The following THOC6 variants were observed in gnomAD, a reference collection of about 807,000 sequenced individuals.
THOC6 encodes THO complex subunit 6.
Under a neutral mutation model 55.8 loss-of-function variants are expected in THOC6, and 39 were observed. The observed-to-expected ratio is 0.70, with a 90% CI of 0.54 to 0.91. THOC6 has a LOEUF of 0.91. Ranked by LOEUF, THOC6 falls within the 40% of genes least tolerant of loss-of-function variation. The pLI, the probability that THOC6 is intolerant of heterozygous loss-of-function variation, is 0.00. For synonymous variants in THOC6, 192 were observed against 175.6 expected (o/e 1.09, Z -0.74); for missense variants, 482 against 442.0 (o/e 1.09, Z -0.81).
Position 3,026,161 on chromosome 16 carries a change from A to C in THOC6, c.319A>C (p.Lys107Gln), listed in dbSNP as rs746764912. Reference protein sequence around the residue: ...VKAWLWAEMLKKGCKELWRRQ... With the variant: ...VKAWLWAEMLQKGCKELWRRQ... ...GGCCTGGCTTTGGGCGGAGATGCTCAAGAAGGTAAGGAGTCGAGCTTGGGA... is the reference window on the plus strand; with the variant it reads ...GGCCTGGCTTTGGGCGGAGATGCTCCAGAAGGTAAGGAGTCGAGCTTGGGA... Residue 107 changes from lysine to glutamine, a missense_variant, in exon 4 of 13, where the codon AAG (lysine) becomes CAG (glutamine). Physicochemically the swap from Lys to Gln is moderately conservative, Grantham distance 53. Transcript: ENST00000326266. 1.2e-6 allele frequency: 2 copies of C among 1,609,796 alleles called. No homozygotes were observed. The highest frequency in any genetic ancestry group is 1.7e-6 in the Non-Finnish European group (2 of 1,177,006).
At position 3,026,175 on chromosome 16, in the gene THOC6, T is replaced by A. The variant is rs1406432157; in HGVS notation, c.324+9T>A. On this transcript the variant is annotated intron_variant, in intron 4 of 12. Coordinates refer to ENST00000326266, the MANE Select transcript of THOC6 (RefSeq NM_024339.5). ...CGGAGATGCTCAAGAAGGTAAGGAG[T>A]CGAGCTTGGGAAAGGGCTGGGGTGC... 5 of 1,610,444 alleles carry A rather than the reference T, an allele frequency of 3.1e-6. No homozygotes were observed. The highest frequency in any genetic ancestry group is 4.2e-6 in the Non-Finnish European group (5 of 1,177,654).
chr16:3,027,624 C>T lies in THOC6; in HGVS notation c.993C>T (p.Asn331=), dbSNP rs770918614. The T allele has an allele frequency of 9.3e-6, 15 of 1,614,076 alleles. No homozygotes were observed. In the East Asian group the frequency reaches 2.9e-4, roughly 31 times the overall value. ...GCTGCCGGGTGGATGTCTTCACCAA[C>T]CTGGGTTACCGAGCCTTCTCCCTGT... ...GNSCRVDVFT[N]LGYRAFSLSF The change falls in exon 13 of 13, where the codon AAC becomes AAT. Residue 331 remains asparagine, a synonymous_variant. Transcript: ENST00000326266.
rs2072726797 is a variant in THOC6 at position 3,024,380 on chromosome 16, G to T, written c.39+15G>T. 6.2e-7 allele frequency: 1 copy of T among 1,614,150 alleles called. No homozygotes were observed. Among genetic ancestry groups the T allele is most frequent in the Non-Finnish European group, 8.5e-7 (1 of 1,180,004 alleles). ...CTCTGGGTCAGGTGAGACGGACGTG[G>T]TGCGCGTTGCCTTCTGGGGTTTGTA... On this transcript the variant is annotated intron_variant, in intron 1 of 12. Coordinates refer to ENST00000326266, the MANE Select transcript of THOC6 (RefSeq NM_024339.5).
rs960258274 is a variant in THOC6 at position 3,026,098 on chromosome 16, G to A, written c.256G>A (p.Asp86Asn). The change falls in exon 4 of 13, where the codon GAT becomes AAT. Residue 86 changes from aspartate (D) to asparagine (N), a missense_variant. Physicochemically the swap from Asp to Asn is conservative, Grantham distance 23. Coordinates refer to ENST00000326266, the MANE Select transcript of THOC6 (RefSeq NM_024339.5). ...GCCCGTCTATAGCATGGTTTCCACCGATCGACATCTGCTTAGTGCTGGGGA... is the reference window on the plus strand; with the variant it reads ...GCCCGTCTATAGCATGGTTTCCACCAATCGACATCTGCTTAGTGCTGGGGA... ...DGPVYSMVST[D>N]RHLLSAGDGE... is the part of the protein sequence containing the mutation. The A allele has an allele frequency of 5.6e-6, 9 of 1,609,192 alleles. No individual in the cohort carries two copies. The Admixed American group carries it at 8.4e-5, about 15-fold the overall frequency.
rs902406454 is a variant in THOC6, at chr16:3,024,223, G to C, written c.-104G>C. 8 of 1,466,284 alleles carry C rather than the reference G, an allele frequency of 5.5e-6. No homozygotes were observed. Among genetic ancestry groups the C allele is most frequent in the Non-Finnish European group, 7.6e-6 (8 of 1,057,538 alleles). 90.8% of individuals were successfully genotyped at this position (1,466,284 alleles called of 1,614,324 possible). A position where few individuals can be genotyped will look rare whatever the true frequency, so the allele number is the denominator to read the frequency against. ...GGGACGGTACGCACCAGCCACCTTCGCGCCGAAGGCGGTAGGGCGCCACGG... is the reference window on the plus strand; with the variant it reads ...GGGACGGTACGCACCAGCCACCTTCCCGCCGAAGGCGGTAGGGCGCCACGG... On this transcript the variant is annotated 5_prime_UTR_variant, in exon 1 of 13. Coordinates refer to ENST00000326266, the MANE Select transcript of THOC6 (RefSeq NM_024339.5).
In THOC6 at chr16:3,024,347, C is replaced by T; in HGVS notation, c.21C>T (p.Leu7=). 1.2e-6 allele frequency: 2 copies of T among 1,614,126 alleles called. No homozygotes were observed. Among genetic ancestry groups the T allele is most frequent in the East Asian group, 2.2e-5 (1 of 44,866 alleles). MERAVP[L]AVPLGQTEVF... is the part of the protein sequence containing the mutation. ...TGGAGATGGAGCGAGCTGTGCCGCTCGCGGTGCCTCTGGGTCAGGTGAGAC... is the reference window on the plus strand; with the variant it reads ...TGGAGATGGAGCGAGCTGTGCCGCTTGCGGTGCCTCTGGGTCAGGTGAGAC... Residue 7 remains leucine (L), a synonymous_variant, in exon 1 of 13, where the codon CTC becomes CTT. Transcript: ENST00000326266.
chr16:3,024,242 G>A lies in THOC6; in HGVS notation c.-85G>A. ...ACCTTCGCGCCGAAGGCGGTAGGGC[G>A]CCACGGAGAGGAACCGCTCTAGGCA... On this transcript the variant is annotated 5_prime_UTR_variant, in exon 1 of 13. Coordinates refer to ENST00000326266, the MANE Select transcript of THOC6 (RefSeq NM_024339.5). The A allele has an allele frequency of 6.4e-7, 1 of 1,565,706 alleles. No homozygotes were observed. Among genetic ancestry groups the A allele is most frequent in the African/African-American group, 1.4e-5 (1 of 74,014 alleles).
chr16:3,024,414 A>C, intron 1 of THOC6, 49 bp downstream of exon 1: 1 of 1,611,344 alleles, frequency 6.2e-7, no homozygotes, highest in South Asian at 1.1e-5. Flanking sequence ...TAGTTCACGC[A>C]TGGCTGGGAC....
At chr16:3,026,826 C>A (rs566107628) in intron 8 of THOC6, 41 bp from the exon 9 acceptor site, 1 of 1,614,140 alleles carries the variant, frequency 6.2e-7, no homozygotes, top group South Asian at 1.1e-5. Context: ...GTGAAGGAGG[C>A]TGAGGCAAGT....
In THOC6 at chr16:3,026,932, T is replaced by C; in HGVS notation, c.636+16T>C. 6.2e-7 allele frequency: 1 copy of C among 1,614,208 alleles called. No individual in the cohort carries two copies. Among genetic ancestry groups the C allele is most frequent in the African/African-American group, 1.3e-5 (1 of 75,048 alleles). Reference sequence around the variant, plus strand: ...TAAGCACGAGGTGAGGGTGTGACCGTGGCCATTGTCCTCTTCTCCCCCAAC... The same window carrying C: ...TAAGCACGAGGTGAGGGTGTGACCGCGGCCATTGTCCTCTTCTCCCCCAAC... On this transcript the variant is annotated intron_variant, in intron 9 of 12. Transcript: ENST00000326266.
rs1567415782 is a variant in THOC6 at position 3,026,238 on chromosome 16, TTC to T, written c.325-9_325-8del. 4 of 1,614,126 alleles carry T rather than the reference TTC, an allele frequency of 2.5e-6. No individual in the cohort carries two copies. In the South Asian group the frequency reaches 4.4e-5, roughly 18 times the overall value. On this transcript the variant is annotated splice_polypyrimidine_tract_variant and intron_variant, in intron 4 of 12. Coordinates refer to ENST00000326266, the MANE Select transcript of THOC6 (RefSeq NM_024339.5). Reference sequence around the variant, plus strand: ...AGAGCCTTTGAGGTCACCTGGTATTTTCTCTTTTGAAGGGCTGTAAGGAGCTG... The same window carrying T: ...AGAGCCTTTGAGGTCACCTGGTATTTTCTTTTGAAGGGCTGTAAGGAGCTG...
At chr16:3,025,574 CG>C in intron 1 of THOC6, 133 bp from the exon 2 acceptor site, 4 of 744,918 alleles carry the variant, frequency 5.4e-6, no homozygotes. Context: ...TGGCTTGGGG[CG>C]GGGCCGCCTC....
chr16:3,026,298 G>T lies in THOC6; in HGVS notation c.362+10G>T. 1 of 1,614,136 alleles carries T rather than the reference G, an allele frequency of 6.2e-7. No individual in the cohort carries two copies. Among genetic ancestry groups the T allele is most frequent in the Non-Finnish European group, 8.5e-7 (1 of 1,180,018 alleles). ...GTCAGCCTCCATACAGGTGAGCAGG[G>T]CCACGTGGATAGAGGGTGCATCAGG... On this transcript the variant is annotated intron_variant, in intron 5 of 12. Coordinates refer to ENST00000326266, the MANE Select transcript of THOC6 (RefSeq NM_024339.5).
rs749027948 is a variant in THOC6, at chr16:3,027,623, A to G, written c.992A>G (p.Asn331Ser). 3.1e-6 allele frequency: 5 copies of G among 1,613,820 alleles called. No homozygotes were observed. The highest frequency in any genetic ancestry group is 4.2e-6 in the Non-Finnish European group (5 of 1,179,968). ...GNSCRVDVFTNLGYRAFSLSF is the reference protein window; with the variant it reads ...GNSCRVDVFTSLGYRAFSLSF ...AGCTGCCGGGTGGATGTCTTCACCA[A>G]CCTGGGTTACCGAGCCTTCTCCCTG... Residue 331 changes from asparagine (N) to serine (S), a missense_variant, in exon 13 of 13, where the codon AAC becomes AGC. Transcript: ENST00000326266.
rs745960116 is a variant in THOC6 at position 3,024,278 on chromosome 16, C to G, written c.-49C>G. ...GAACCGCTCTAGGCACGTAAGGCCT[C>G]GTGAGGTTGCGTCGCGCGCGGAGCA... On this transcript the variant is annotated 5_prime_UTR_variant, in exon 1 of 13. Transcript: ENST00000326266. 13 of 1,613,212 alleles carry G rather than the reference C, an allele frequency of 8.1e-6. No homozygotes were observed. The South Asian group carries it at 1.3e-4, about 16-fold the overall frequency.
Position 3,025,984 on chromosome 16 carries a change from C to T in THOC6, c.216C>T (p.Phe72=). The T allele has an allele frequency of 6.2e-7, 1 of 1,614,180 alleles. No individual in the cohort carries two copies. The highest frequency in any genetic ancestry group is 8.5e-7 in the Non-Finnish European group (1 of 1,180,040). ...KEESKKPVVT[F]QAHDGPVYSM... ...AAAGTAAGAAGCCGGTGGTGACTTTCCAAGGTGGGTATACCTGTGGAGTCT... is the reference window on the plus strand; with the variant it reads ...AAAGTAAGAAGCCGGTGGTGACTTTTCAAGGTGGGTATACCTGTGGAGTCT... Residue 72 remains phenylalanine, a synonymous_variant, in exon 3 of 13, where the codon TTC becomes TTT. Coordinates refer to ENST00000326266, the MANE Select transcript of THOC6 (RefSeq NM_024339.5).
intron 11 of THOC6, 28 bp downstream of exon 11, chr16:3,027,308 C>T (rs768752891): frequency 7.4e-6 from 12 of 1,614,062 alleles, no homozygotes; most frequent in Non-Finnish European, 9.3e-6. Context: ...ACTTCTGCCA[C>T]CCCCACTGAC....
chr16:3,027,122 G>C (rs370947731), intron 10 of THOC6, 48 bp from the exon 11 acceptor site: 4 of 1,614,150 alleles, frequency 2.5e-6, no homozygotes, highest in African/African-American at 1.3e-5. Flanking sequence ...GGCCCTGTCA[G>C]CTGTGGGCCT....
intron 2 of THOC6, 47 bp from the exon 3 acceptor site, chr16:3,025,877 G>C (rs371401694): frequency 6.2e-7 from 1 of 1,614,116 alleles, no homozygotes; most frequent in South Asian, 1.1e-5. Flanking sequence ...CTCATGGGAC[G>C]GATGCCCCCG....
Sources: allele counts gnomAD v4.1 joint callset, GRCh38; gene constraint gnomAD v4.1.1; transcripts MANE v1.5; gene names NCBI Gene and HGNC (gene_info 2026-07-23, HGNC 2026-07-21).